Variants in MAP3K7CL observed in about 807,000 individuals in gnomAD.
The protein encoded by MAP3K7CL is MAP3K7 C-terminal like, also known as MAP3K7 C-terminal-like protein.
In MAP3K7CL, 16 loss-of-function variants were observed where a neutral mutation model predicts 18.6. That is an observed-to-expected ratio of 0.86 (90% CI 0.58 to 1.31). The LOEUF (loss-of-function observed/expected upper bound fraction) is 1.31, where lower values mean the gene tolerates loss of function less well. MAP3K7CL is among the 50% of genes most tolerant of loss of function. The pLI, the probability that MAP3K7CL is intolerant of heterozygous loss-of-function variation, is 0.00. For missense variants in MAP3K7CL, 163 were observed against 174.4 expected (o/e 0.93, Z 0.37); for synonymous variants, 65 against 66.8 (o/e 0.97, Z 0.13).
At chr21:29,147,965 ATGTT>A (rs1449639335) in intron 2 of MAP3K7CL, among the ~76,000 whole-genome samples, 3 of 150,490 alleles carry the variant, frequency 2.0e-5, no homozygotes, top group South Asian at 2.1e-4. Context: ...TATATTATAT[ATGTT>A]TGTGTATGTG....
intron 4 of MAP3K7CL, among the ~76,000 whole-genome samples, chr21:29,094,306 G>A (rs1164459109): frequency 6.6e-6 from 1 of 152,240 alleles, no homozygotes; most frequent in African/African-American, 2.4e-5. Flanking sequence ...AACTCTGCTA[G>A]ACAGCAGTGG....
chr21:29,098,138 T>G (rs1421245947), intron 4 of MAP3K7CL, among the ~76,000 whole-genome samples: 1 of 152,174 alleles, frequency 6.6e-6, no homozygotes, highest in African/African-American at 2.4e-5. Flanking sequence ...TCTAGGACAT[T>G]TCCATTATCA....
At chr21:29,141,640 C>T (rs1442458019) in intron 2 of MAP3K7CL, among the ~76,000 whole-genome samples, 1 of 151,884 alleles carries the variant, frequency 6.6e-6, no homozygotes, top group Non-Finnish European at 1.5e-5. Flanking sequence ...GTTAAGATAA[C>T]ATCATGTTTA....
chr21:29,133,253 T>G, intron 1 of MAP3K7CL, 53 bp from the exon 2 acceptor site: 1 of 1,393,930 alleles, frequency 7.2e-7, no homozygotes, highest in African/African-American at 1.4e-5. Context: ...CCTCTGAGTA[T>G]TTAGGGGGAT....
At chr21:29,129,233 A>G (rs979755862), upstream of MAP3K7CL, among the ~76,000 whole-genome samples, 2 of 152,230 alleles carry the variant, frequency 1.3e-5, no homozygotes, top group African/African-American at 4.8e-5. Context: ...TGTGTTGTAC[A>G]TTCTATGGGT....
chr21:29,119,484 C>T (rs1258420671), intron 4 of MAP3K7CL, among the ~76,000 whole-genome samples: 1 of 152,152 alleles, frequency 6.6e-6, no homozygotes, highest in African/African-American at 2.4e-5. Flanking sequence ...AGGTCTGGCA[C>T]ACAGGGTCAC....
Position 29,119,822 on chromosome 21 carries a change from C to G in MAP3K7CL, c.370+27241C>G, listed in dbSNP as rs548471149. Among the ~76,000 whole-genome samples the G allele has an allele frequency of 2.6e-5, 4 of 152,190 alleles. No individual in the cohort carries two copies. In the South Asian group the frequency reaches 8.3e-4, roughly 32 times the overall value. ...GGATCACAGGCACCTGCCACCATCC[C>G]TGGCTAATTTGTTTGTATTTTTAAT... is the stretch of plus-strand genomic sequence containing the variant. On this transcript the variant is annotated intron_variant, in intron 4 of 6. Coordinates refer to the MAP3K7CL transcript ENST00000286791.
intron 3 of MAP3K7CL, chr21:29,092,429 CTTTA>C (rs2086044574): frequency 6.2e-7 from 1 of 1,613,868 alleles, no homozygotes. Context: ...TGGCCTTGAT[CTTTA>C]TTTAGTATTT....
rs979032628 is a variant in MAP3K7CL at position 29,130,713 on chromosome 21, G to A, written c.-250G>A. Reference sequence around the variant, plus strand: ...TTGTGAAGGGAAGCGGAAGGGAAGGGAAGGGAGGTCCCGTGGGACGCTGGG... The same window carrying A: ...TTGTGAAGGGAAGCGGAAGGGAAGGAAAGGGAGGTCCCGTGGGACGCTGGG... On this transcript the variant is annotated 5_prime_UTR_variant, in exon 1 of 5. Transcript: ENST00000399928. 9 of 985,466 alleles carry A rather than the reference G, an allele frequency of 9.1e-6. No individual in the cohort carries two copies. The highest frequency in any genetic ancestry group is 1.7e-5 in the African/African-American group (1 of 57,252). The allele number at this position is 985,466 out of a possible 1,614,324, so 61.0% of individuals were successfully genotyped here.
At chr21:29,101,447 T>C (rs2086228204) in intron 4 of MAP3K7CL, among the ~76,000 whole-genome samples, 1 of 152,230 alleles carries the variant, frequency 6.6e-6, no homozygotes, top group African/African-American at 2.4e-5. Flanking sequence ...TCTCGCTCTG[T>C]CACCCAGGCT....
upstream of MAP3K7CL, chr21:29,130,577 C>A: frequency 2.0e-6 from 2 of 985,234 alleles, no homozygotes; most frequent in Non-Finnish European, 2.4e-6. Context: ...CTCCCCACAA[C>A]TTGCTGTTTA....
intron 4 of MAP3K7CL, among the ~76,000 whole-genome samples, chr21:29,173,540 G>GT (rs2087893335): frequency 6.6e-6 from 1 of 152,150 alleles, no homozygotes; most frequent in East Asian, 1.9e-4. Context: ...TTTACCAACT[G>GT]TTTTTTGCCC....
chr21:29,105,052 C>T (rs1568938188), intron 4 of MAP3K7CL, among the ~76,000 whole-genome samples: 1 of 152,216 alleles, frequency 6.6e-6, no homozygotes, highest in Non-Finnish European at 1.5e-5. Context: ...AAGAAGGTCT[C>T]ATTGGAAGCC....
At chr21:29,163,374 G>T (rs1013602134) in intron 4 of MAP3K7CL, among the ~76,000 whole-genome samples, 1 of 152,020 alleles carries the variant, frequency 6.6e-6, no homozygotes, top group Non-Finnish European at 1.5e-5. Context: ...TTTCTTTTTC[G>T]TAAAGTCTCA....
At chr21:29,086,005 A>T in intron 1 of MAP3K7CL, 1 of 1,454,578 alleles carries the variant, frequency 6.9e-7, no homozygotes, top group South Asian at 1.1e-5. Context: ...AAATGTAGGA[A>T]AGAAGCAGAG....
At chr21:29,128,598 G>A (rs139028277), upstream of MAP3K7CL, among the ~76,000 whole-genome samples, 1,116 of 152,260 alleles carry the variant, frequency 7.3e-3, 12 homozygotes, top group African/African-American at 0.025. Flanking sequence ...CACCGCGCCC[G>A]GCCAATTAAA....
intron 3 of MAP3K7CL, among the ~76,000 whole-genome samples, chr21:29,155,110 T>G (rs1302648627): frequency 2.0e-5 from 3 of 152,198 alleles, no homozygotes; most frequent in Non-Finnish European, 2.9e-5. Context: ...CTTAAAATAT[T>G]TAAAGTTCTA....
chr21:29,143,926 C>A (rs1022660116), intron 2 of MAP3K7CL, among the ~76,000 whole-genome samples: 13 of 152,226 alleles, frequency 8.5e-5, no homozygotes, highest in African/African-American at 3.1e-4. Context: ...AAGGGTACGA[C>A]AGTGAGGTGT....
In MAP3K7CL at chr21:29,101,793, G is replaced by A. The variant is rs550867220; in HGVS notation, c.370+9212G>A. 5.9e-5 allele frequency among the ~76,000 whole-genome samples: 9 copies of A among 152,248 alleles called. 1 individual carries two copies. Among genetic ancestry groups the A allele is most frequent in the African/African-American group, 2.2e-4 (9 of 41,560 alleles). The stretch of plus-strand genomic sequence containing the variant: ...CTTGATTATGTGTCAGTAAAAACTT[G>A]TAAGTGTTCACTTCAAATATATATA... On this transcript the variant is annotated intron_variant, in intron 4 of 6. Transcript: ENST00000286791.
Sources: allele counts gnomAD v4.1 joint callset (sites outside exome capture counted in the v4.1 genomes callset), GRCh38; gene constraint gnomAD v4.1.1; transcripts MANE v1.5; gene names NCBI Gene and HGNC (gene_info 2026-07-23, HGNC 2026-07-21).